The following COL22A1 variants were observed in gnomAD, a reference collection of about 807,000 sequenced individuals.
COL22A1 encodes the protein collagen type XXII alpha 1 chain.
A neutral mutation model predicts 248.9 loss-of-function variants in COL22A1; 221 were observed. The ratio of observed to expected loss-of-function variants is 0.89; its 90% confidence interval spans 0.80 to 0.99. COL22A1 has a LOEUF of 0.99. COL22A1 is among the 50% of genes least tolerant of loss of function. The pLI, the probability that COL22A1 is intolerant of heterozygous loss-of-function variation, is 0.00. For missense variants in COL22A1, 2,240 were observed against 2,179.0 expected, an observed-to-expected ratio of 1.03 and a Z score of -0.56; for synonymous variants, 891 against 793.4, an observed-to-expected ratio of 1.12 and a Z score of -2.07.
At chr8:138,634,914 G>T in intron 49 of COL22A1, 96 bp downstream of exon 49, 2 of 867,514 alleles carry the variant, frequency 2.3e-6, no homozygotes, top group Non-Finnish European at 1.9e-6. Flanking sequence ...CCCTTAAAAT[G>T]AGAGATATGC....
rs759682018 is a variant in COL22A1, at chr8:138,593,982, T to C, written c.4615+35A>G. 2.7e-6 allele frequency: 4 copies of C among 1,466,154 alleles called. No homozygotes were observed. The East Asian group carries it at 1.0e-4, about 38-fold the overall frequency. 90.8% of individuals were successfully genotyped at this position (1,466,154 alleles called of 1,614,324 possible). Reference sequence around the variant, plus strand: ...CTGTTCCTTCTCCGCCCTCCAGGAGTACACGGAGCATATCTCCTCCAGGTC... The same window carrying C: ...CTGTTCCTTCTCCGCCCTCCAGGAGCACACGGAGCATATCTCCTCCAGGTC... On this transcript the variant is annotated intron_variant, in intron 63 of 64. Coordinates refer to ENST00000303045, the MANE Select transcript of COL22A1 (RefSeq NM_152888.3).
chr8:138,675,512 A>T (rs1825437599), intron 41 of COL22A1, among the ~76,000 whole-genome samples: 1 of 152,210 alleles, frequency 6.6e-6, no homozygotes, highest in Admixed American at 6.5e-5. Flanking sequence ...CTTTTGGGTT[A>T]AGATAATAGT....
In COL22A1 at chr8:138,718,637, A is replaced by G. The variant is rs1466306269; in HGVS notation, c.2356-1768T>C. Among the ~76,000 whole-genome samples, 4 of 152,346 alleles carry G rather than the reference A, an allele frequency of 2.6e-5. No homozygotes were observed. In the South Asian group the frequency reaches 6.2e-4, roughly 24 times the overall value. On this transcript the variant is annotated intron_variant, in intron 27 of 64. Transcript: ENST00000303045. ...ATCTTGGAAAATAATTTTTATCTTC[A>G]GTTGATGCTTTGTCAAAATAAAGTA...
At chr8:138,890,282 A>G (rs143055542) in intron 1 of COL22A1, among the ~76,000 whole-genome samples, 5 of 152,330 alleles carry the variant, frequency 3.3e-5, no homozygotes, top group South Asian at 2.1e-4. Flanking sequence ...CGTCATCCTC[A>G]ATGGTGAAAG....
At chr8:138,710,124 C>T (rs1342068550) in intron 30 of COL22A1, among the ~76,000 whole-genome samples, 3 of 152,150 alleles carry the variant, frequency 2.0e-5, no homozygotes, top group Non-Finnish European at 4.4e-5. Flanking sequence ...TTTCTCTTTG[C>T]AGAACAATGA....
intron 50 of COL22A1, 125 bp downstream of exon 50, chr8:138,630,570 A>T (rs1384455188): frequency 1.2e-6 from 1 of 816,392 alleles, no homozygotes; most frequent in East Asian, 2.4e-5. Flanking sequence ...CTTGTAGTGA[A>T]CAGAACCTCA....
chr8:138,744,569 G>A (rs1028461179), intron 22 of COL22A1, among the ~76,000 whole-genome samples: 1 of 152,016 alleles, frequency 6.6e-6, no homozygotes, highest in East Asian at 1.9e-4. Context: ...TCATGCCCCA[G>A]GTATAAGTAC....
At chr8:138,799,278 G>T (rs1459984758) in intron 11 of COL22A1, among the ~76,000 whole-genome samples, 1 of 152,098 alleles carries the variant, frequency 6.6e-6, no homozygotes, top group Non-Finnish European at 1.5e-5. Flanking sequence ...TATAATGATT[G>T]CTTGGAAGGC....
At chr8:138,713,905 G>C (rs931476153) in intron 30 of COL22A1, among the ~76,000 whole-genome samples, 2 of 152,160 alleles carry the variant, frequency 1.3e-5, no homozygotes, top group Admixed American at 1.3e-4. Flanking sequence ...GCTCCTGAGT[G>C]GGGGCTGCTC....
intron 7 of COL22A1, among the ~76,000 whole-genome samples, chr8:138,813,640 CG>C (rs1818434608): frequency 1.8e-5 from 1 of 56,518 alleles, no homozygotes; most frequent in African/African-American, 5.9e-5. Context: ...TAAAGTCCAG[CG>C]TTTCGTTCTA....
chr8:138,614,674 C>T (rs1307146169), intron 55 of COL22A1, among the ~76,000 whole-genome samples: 1 of 149,064 alleles, frequency 6.7e-6, no homozygotes, highest in African/African-American at 2.4e-5. Context: ...AGGGGATGGA[C>T]TGTATCACGA....
chr8:138,851,798 T>A (rs558605599), intron 3 of COL22A1, among the ~76,000 whole-genome samples: 7 of 152,264 alleles, frequency 4.6e-5, no homozygotes, highest in Admixed American at 6.5e-5. Context: ...ACTGAAGTGA[T>A]CCTGGGCATA....
At chr8:138,614,915 C>T (rs1478811398) in intron 55 of COL22A1, among the ~76,000 whole-genome samples, 1 of 152,186 alleles carries the variant, frequency 6.6e-6, no homozygotes, top group African/African-American at 2.4e-5. Context: ...TGTCAAGAGC[C>T]ACTGGGGAAG....
chr8:138,696,600 T>C (rs1421477793), intron 32 of COL22A1, among the ~76,000 whole-genome samples: 1 of 149,872 alleles, frequency 6.7e-6, no homozygotes, highest in Non-Finnish European at 1.5e-5. Context: ...CCCAAGCCTC[T>C]CTCTGATACG....
At chr8:138,800,279 T>C (rs573735938) in intron 11 of COL22A1, among the ~76,000 whole-genome samples, 18 of 152,182 alleles carry the variant, frequency 1.2e-4, no homozygotes, top group Non-Finnish European at 2.6e-4. Flanking sequence ...TGCCTGAGGT[T>C]GCACCTCCAC....
chr8:138,683,640 C>T (rs6998293), intron 39 of COL22A1, among the ~76,000 whole-genome samples: 26,737 of 151,994 alleles, frequency 0.18, 2,337 homozygotes, highest in South Asian at 0.21. Flanking sequence ...TATTGCACCC[C>T]AAGAATTTGG....
chr8:138,664,910 C>T (rs890460392), intron 41 of COL22A1, among the ~76,000 whole-genome samples: 1 of 151,988 alleles, frequency 6.6e-6, no homozygotes, highest in African/African-American at 2.4e-5. Context: ...GAGTCACTGG[C>T]CAGGGTGAGG....
chr8:138,712,795 G>T (rs957696562), intron 30 of COL22A1, among the ~76,000 whole-genome samples: 1 of 151,966 alleles, frequency 6.6e-6, no homozygotes, highest in African/African-American at 2.4e-5. Flanking sequence ...TCAGTAGAGG[G>T]TATGTATTCT....
intron 50 of COL22A1, among the ~76,000 whole-genome samples, chr8:138,627,655 C>T (rs967147747): frequency 6.6e-6 from 1 of 152,144 alleles, no homozygotes; most frequent in African/African-American, 2.4e-5. Flanking sequence ...CTCCACTTGA[C>T]CAATCCCCAT....
Sources: gnomAD v4.1 joint callset for allele counts (sites outside exome capture counted in the v4.1 genomes callset) on GRCh38, gnomAD v4.1.1 for gene constraint, MANE v1.5 for transcripts, NCBI Gene and HGNC (gene_info 2026-07-23, HGNC 2026-07-21) for gene names.